Variants in MEI4 observed in about 807,000 individuals in gnomAD.
MEI4 encodes the protein meiosis-specific protein MEI4.
In MEI4, 27 loss-of-function variants were observed where a neutral mutation model predicts 31.4. That is an observed-to-expected ratio of 0.86 (90% CI 0.63 to 1.19). The LOEUF (loss-of-function observed/expected upper bound fraction) is 1.19, where lower values mean the gene tolerates loss of function less well. Ranked by LOEUF, MEI4 falls within the 50% of genes most tolerant of loss-of-function variation. MEI4 has a pLI of 0.00. For synonymous variants in MEI4, 122 were observed against 145.4 expected (o/e 0.84, Z 1.16); for missense variants, 329 against 398.9 (o/e 0.82, Z 1.49).
At chr6:77,877,176 C>G (rs1280406588) in intron 4 of MEI4, among the ~76,000 whole-genome samples, 2 of 151,906 alleles carry the variant, frequency 1.3e-5, no homozygotes, top group Non-Finnish European at 2.9e-5. Context: ...TCATTTTTAG[C>G]TGAAGCAAAT....
chr6:77,919,264 C>T (rs1218839729), intron 4 of MEI4, among the ~76,000 whole-genome samples: 2 of 152,032 alleles, frequency 1.3e-5, no homozygotes, highest in Admixed American at 6.6e-5. Context: ...CTCTCCTCAG[C>T]ATATGTAAAA....
intron 3 of MEI4, among the ~76,000 whole-genome samples, chr6:77,795,037 A>C (rs1769039609): frequency 6.6e-6 from 1 of 152,162 alleles, no homozygotes; most frequent in African/African-American, 2.4e-5. Context: ...GAAAAATAGA[A>C]ACACAACATA....
chr6:77,772,171 T>G (rs1263919782), intron 3 of MEI4, among the ~76,000 whole-genome samples: 1 of 151,786 alleles, frequency 6.6e-6, no homozygotes, highest in African/African-American at 2.4e-5. Context: ...GCTCAAACTC[T>G]TCTGAAAAAT....
chr6:77,779,745 A>G (rs545532626), intron 3 of MEI4, among the ~76,000 whole-genome samples: 1 of 152,126 alleles, frequency 6.6e-6, no homozygotes, highest in African/African-American at 2.4e-5. Context: ...CCTTACTTCT[A>G]TGCTTTAGTT....
At position 77,923,242 on chromosome 6, in the gene MEI4, G is replaced by A. The variant is rs1281847121; in HGVS notation, c.1054G>A (p.Glu352Lys). ...CAAGAAATTTCTTCAGAAGCATGAT[G>A]AAACTATTTTCCAACTTTCTGATGC... ...EIKKFLQKHD[E>K]TIFQLSDAFP... is the part of the protein sequence containing the mutation. The change falls in exon 5 of 5, where the codon GAA becomes AAA. Residue 352 changes from glutamate (E) to lysine (K), a missense_variant. Glu to Lys is a moderately conservative substitution (Grantham distance 56, BLOSUM62 1). Transcript: ENST00000684080. 2 of 1,230,372 alleles carry A rather than the reference G, an allele frequency of 1.6e-6. No homozygotes were observed. Among genetic ancestry groups the A allele is most frequent in the Admixed American group, 8.5e-5 (2 of 23,570 alleles). The allele number at this position is 1,230,372 out of a possible 1,614,324, so 76.2% of individuals were successfully genotyped here. A position where few individuals can be genotyped will look rare whatever the true frequency, so the allele number is the denominator to read the frequency against.
intron 4 of MEI4, among the ~76,000 whole-genome samples, chr6:77,875,064 T>C (rs542539996): frequency 8.4e-4 from 128 of 152,190 alleles, no homozygotes; most frequent in Non-Finnish European, 1.4e-3. Flanking sequence ...CACCTCATGC[T>C]AATTTTTCTA....
intron 3 of MEI4, among the ~76,000 whole-genome samples, chr6:77,798,807 A>G (rs536276585): frequency 2.6e-3 from 390 of 151,898 alleles, no homozygotes; most frequent in African/African-American, 9.2e-3. Flanking sequence ...CCATGTCCCT[A>G]CAAAGGACAT....
At chr6:77,778,172 G>T (rs550584859) in intron 3 of MEI4, among the ~76,000 whole-genome samples, 3 of 150,940 alleles carry the variant, frequency 2.0e-5, no homozygotes, top group Non-Finnish European at 4.4e-5. Context: ...GAAGGGAAAG[G>T]GGGAGAGAGG....
intron 3 of MEI4, among the ~76,000 whole-genome samples, chr6:77,801,350 A>AT (rs1307495707): frequency 1.3e-5 from 2 of 152,004 alleles, no homozygotes; most frequent in Non-Finnish European, 2.9e-5. Context: ...CCCCTTTATC[A>AT]TTTTTTATCA....
rs561292190 is a variant in MEI4, at chr6:77,862,245, C to T, written c.900+33183C>T. On this transcript the variant is annotated intron_variant, in intron 4 of 4. Coordinates refer to ENST00000684080, the MANE Select transcript of MEI4 (RefSeq NM_001322247.2). ...GCAGGGTGCAGGACAGTGGGTGCAG[C>T]GCACTGAGCATGAGCCGAAGCAGGG... Among the ~76,000 whole-genome samples the T allele has an allele frequency of 6.4e-4, 98 of 152,218 alleles. 1 individual carries two copies. Among genetic ancestry groups the T allele is most frequent in the African/African-American group, 2.2e-3 (90 of 41,546 alleles).
intron 2 of MEI4, among the ~76,000 whole-genome samples, chr6:77,696,066 G>A (rs1350015633): frequency 6.6e-6 from 1 of 152,092 alleles, no homozygotes; most frequent in African/African-American, 2.4e-5. Context: ...CTCTCTGTTT[G>A]TCTGTTCTTG....
At chr6:77,811,463 T>C (rs987050799) in intron 3 of MEI4, among the ~76,000 whole-genome samples, 4 of 152,186 alleles carry the variant, frequency 2.6e-5, no homozygotes, top group African/African-American at 4.8e-5. Flanking sequence ...AAATATTCCA[T>C]AAAAGAGCAC....
chr6:77,730,625 C>T (rs1019924523), intron 2 of MEI4, among the ~76,000 whole-genome samples: 1 of 149,636 alleles, frequency 6.7e-6, no homozygotes, highest in Non-Finnish European at 1.5e-5. Flanking sequence ...TATTTATTTA[C>T]TTTTATTTAT....
chr6:77,781,634 G>C (rs1282782053), intron 3 of MEI4, among the ~76,000 whole-genome samples: 4 of 151,974 alleles, frequency 2.6e-5, no homozygotes, highest in African/African-American at 9.7e-5. Flanking sequence ...CTTTCTATAT[G>C]TTTTGCAATT....
At chr6:77,788,973 T>C (rs1054778906) in intron 3 of MEI4, among the ~76,000 whole-genome samples, 6 of 152,148 alleles carry the variant, frequency 3.9e-5, no homozygotes, top group African/African-American at 1.4e-4. Flanking sequence ...AGAACAAAGC[T>C]GGAGGCATCA....
intron 4 of MEI4, among the ~76,000 whole-genome samples, chr6:77,909,583 A>C (rs1766383309): frequency 6.6e-6 from 1 of 152,176 alleles, no homozygotes; most frequent in Non-Finnish European, 1.5e-5. Context: ...ACCAACCAAC[A>C]AAAGTCCAGG....
At chr6:77,915,886 A>T (rs188972723) in intron 4 of MEI4, among the ~76,000 whole-genome samples, 103 of 151,948 alleles carry the variant, frequency 6.8e-4, no homozygotes, top group African/African-American at 1.8e-3. Context: ...TTTGGGGGTC[A>T]CTGGAAATTC....
upstream of MEI4, among the ~76,000 whole-genome samples, chr6:77,651,695 AAG>A (rs1768303777): frequency 6.6e-6 from 1 of 152,214 alleles, no homozygotes. Flanking sequence ...AGTCCTTCAG[AAG>A]AGTTTCAGAT....
intron 2 of MEI4, among the ~76,000 whole-genome samples, chr6:77,710,502 CAG>C (rs1766435210): frequency 1.0e-5 from 1 of 99,314 alleles, no homozygotes; most frequent in Non-Finnish European, 1.8e-5. Flanking sequence ...AGCCTGGTGA[CAG>C]AGCAAGACTC....
Sources: gnomAD v4.1 joint callset for allele counts (sites outside exome capture counted in the v4.1 genomes callset) on GRCh38, gnomAD v4.1.1 for gene constraint, MANE v1.5 for transcripts, NCBI Gene and HGNC (gene_info 2026-07-23, HGNC 2026-07-21) for gene names.